The following COL4A2 variants were observed in gnomAD, a reference collection of about 807,000 sequenced individuals.
COL4A2 encodes the protein collagen type IV alpha 2 chain.
COL4A2 carries 99 observed loss-of-function variants against 200.2 expected under a neutral mutation model. The observed-to-expected ratio is 0.49, with a 90% CI of 0.42 to 0.58. The LOEUF is 0.58. COL4A2 is among the 20% of genes least tolerant of loss of function. The pLI is 0.00. For missense variants in COL4A2, 1,950 were observed against 2,314.1 expected (o/e 0.84, Z 3.23); for synonymous variants, 897 against 900.6 (o/e 1.00, Z 0.07).
intron 16 of COL4A2, among the ~76,000 whole-genome samples, chr13:110,442,087 CAAAAAAAAAAAAAAA>C (rs10530153): frequency 1.5e-4 from 7 of 47,644 alleles, no homozygotes; most frequent in South Asian, 1.3e-3. Context: ...CTCTCTGTCT[CAAAAAAAAAAAAAAA>C]AAAAAAAAAA....
chr13:110,434,520 T>C (rs1006314344), intron 12 of COL4A2, 78 bp downstream of exon 12: 1 of 1,453,884 alleles, frequency 6.9e-7, no homozygotes, highest in Non-Finnish European at 9.6e-7. Context: ...AATTACTAAG[T>C]TCTGTGCTGT....
chr13:110,392,286 G>A lies in COL4A2; in HGVS notation c.181-32448G>A, dbSNP rs142346431. On this transcript the variant is annotated intron_variant, in intron 4 of 47. Coordinates refer to ENST00000360467, the MANE Select transcript of COL4A2 (RefSeq NM_001846.4). ...AGAACTGATTTATTCTTGCATTCAC[G>A]TTCCAAAGCAATTTAAGTAAACTCA... Among the ~76,000 whole-genome samples, 14 of 152,270 alleles carry A rather than the reference G, an allele frequency of 9.2e-5. No homozygotes were observed. The East Asian group carries it at 2.1e-3, about 23-fold the overall frequency.
At chr13:110,476,820 G>A (rs975737291) in intron 29 of COL4A2, among the ~76,000 whole-genome samples, 8 of 152,130 alleles carry the variant, frequency 5.3e-5, no homozygotes, top group African/African-American at 1.9e-4. Flanking sequence ...CTGACCACTG[G>A]GCAGGACAGG....
At chr13:110,449,820 G>A in intron 19 of COL4A2, 31 bp downstream of exon 19, 1 of 1,541,848 alleles carries the variant, frequency 6.5e-7, no homozygotes, top group Non-Finnish European at 8.7e-7. Flanking sequence ...CAACACCGGA[G>A]ACCCAAAGCA....
At chr13:110,385,657 A>G (rs372706684) in intron 4 of COL4A2, among the ~76,000 whole-genome samples, 1 of 47,708 alleles carries the variant, frequency 2.1e-5, no homozygotes, top group Non-Finnish European at 6.2e-5. Flanking sequence ...GTGTGTGGAT[A>G]GACCGTGGCT....
At chr13:110,370,221 A>AAG (rs1877943067) in intron 4 of COL4A2, among the ~76,000 whole-genome samples, 1 of 151,182 alleles carries the variant, frequency 6.6e-6, no homozygotes, top group Admixed American at 6.6e-5. Context: ...AGAAAAAAAA[A>AAG]ACAAGGGTTT....
At chr13:110,312,552 A>G (rs1354546391) in intron 3 of COL4A2, among the ~76,000 whole-genome samples, 2 of 152,262 alleles carry the variant, frequency 1.3e-5, no homozygotes, top group Admixed American at 6.5e-5. Flanking sequence ...TGTTGATAAT[A>G]TAATGAAGAG....
intron 4 of COL4A2, among the ~76,000 whole-genome samples, chr13:110,368,994 G>C (rs1489334077): frequency 6.6e-6 from 1 of 152,132 alleles, no homozygotes; most frequent in Admixed American, 6.5e-5. Context: ...GGATCACGAG[G>C]TCAAGAGATG....
intron 3 of COL4A2, among the ~76,000 whole-genome samples, chr13:110,339,457 T>G (rs1238665609): frequency 1.3e-5 from 2 of 152,158 alleles, no homozygotes; most frequent in African/African-American, 2.4e-5. Context: ...CTTGGAAGCC[T>G]GGCCGGTCAG....
At chr13:110,337,183 C>T (rs1876232052) in intron 3 of COL4A2, among the ~76,000 whole-genome samples, 2 of 152,310 alleles carry the variant, frequency 1.3e-5, no homozygotes, top group Admixed American at 6.5e-5. Context: ...GCAGTCCTGG[C>T]GCTCTGATTC....
In COL4A2 at chr13:110,509,290, CACACACAA is replaced by C. The variant is rs139687308; in HGVS notation, c.4881+1070_4881+1077del. 7.6e-4 allele frequency among the ~76,000 whole-genome samples: 105 copies of C among 137,416 alleles called. 3 individuals are homozygous for C. The East Asian group carries it at 0.011, about 14-fold the overall frequency. 90.2% of individuals were successfully genotyped at this position (137,416 alleles called of 152,430 possible). On this transcript the variant is annotated intron_variant, in intron 47 of 47. Transcript: ENST00000360467. ...ATATATACACACACACACACACACA[CACACACAA>C]CATAAAATATAAATTACATAGTGAT... is the stretch of plus-strand genomic sequence containing the variant.
chr13:110,510,565 C>G (rs1283991496), intron 47 of COL4A2, among the ~76,000 whole-genome samples: 1 of 152,214 alleles, frequency 6.6e-6, no homozygotes, highest in East Asian at 1.9e-4. Flanking sequence ...TGTGCCTGGA[C>G]TGTGTGCACT....
chr13:110,311,046 C>T (rs529782852), intron 3 of COL4A2, among the ~76,000 whole-genome samples: 46 of 152,306 alleles, frequency 3.0e-4, no homozygotes, highest in Admixed American at 7.2e-4. Flanking sequence ...CTTTGAGTCT[C>T]CTGGGGTGTG....
Position 110,313,073 on chromosome 13 carries a change from A to G in COL4A2, c.99+4950A>G, listed in dbSNP as rs141393246. ...TAGAATCTATCCAGCCTGCACCAGG[A>G]TATCGCTTAGAAATCAATATGCCAC... On this transcript the variant is annotated intron_variant, in intron 3 of 47. Transcript: ENST00000360467. 3.3e-5 allele frequency among the ~76,000 whole-genome samples: 5 copies of G among 152,264 alleles called. No individual in the cohort carries two copies. The East Asian group carries it at 9.7e-4, about 29-fold the overall frequency.
Position 110,430,568 on chromosome 13 carries a change from T to A in COL4A2, c.609T>A (p.His203Gln), listed in dbSNP as rs1566528676. The A allele has an allele frequency of 2.5e-6, 4 of 1,614,220 alleles. No homozygotes were observed. Among genetic ancestry groups the A allele is most frequent in the Non-Finnish European group, 3.4e-6 (4 of 1,180,022 alleles). ...AGGGACCTCCCGGCCGCCCTGGGCATGTGGGACAGATGGGTCCAGTTGGAG... is the reference window on the plus strand; with the variant it reads ...AGGGACCTCCCGGCCGCCCTGGGCAAGTGGGACAGATGGGTCCAGTTGGAG... ...GFQGPPGRPG[H>Q]VGQMGPVGAP... Residue 203 changes from histidine (H) to glutamine (Q), a missense_variant, in exon 10 of 48, where the codon CAT (histidine) becomes CAA (glutamine). Transcript: ENST00000360467.
intron 4 of COL4A2, among the ~76,000 whole-genome samples, chr13:110,364,790 C>T (rs757964353): frequency 6.6e-6 from 1 of 152,182 alleles, no homozygotes; most frequent in African/African-American, 2.4e-5. Flanking sequence ...CCTCCCTCTA[C>T]CCCTGGCTCC....
intron 4 of COL4A2, among the ~76,000 whole-genome samples, chr13:110,405,826 A>G (rs1314591624): frequency 6.6e-6 from 1 of 152,188 alleles, no homozygotes; most frequent in African/African-American, 2.4e-5. Flanking sequence ...ATGCTGCTCA[A>G]TGGATTCTAA....
intron 39 of COL4A2, among the ~76,000 whole-genome samples, chr13:110,494,434 G>A (rs985493014): frequency 1.3e-5 from 2 of 151,926 alleles, no homozygotes; most frequent in Non-Finnish European, 2.9e-5. Flanking sequence ...ATCTATTATA[G>A]GACTAATAAA....
chr13:110,324,498 A>C (rs1192231387), intron 3 of COL4A2, among the ~76,000 whole-genome samples: 1 of 152,208 alleles, frequency 6.6e-6, no homozygotes, highest in African/African-American at 2.4e-5. Context: ...TGAATGCATG[A>C]GAAAGCATAC....
Sources: gnomAD v4.1 joint callset for allele counts (sites outside exome capture counted in the v4.1 genomes callset) on GRCh38, gnomAD v4.1.1 for gene constraint, MANE v1.5 for transcripts, NCBI Gene and HGNC (gene_info 2026-07-23, HGNC 2026-07-21) for gene names.